Variants in RXRA observed in about 807,000 individuals in gnomAD.
RXRA encodes the protein retinoic acid receptor RXR-alpha.
Under a neutral mutation model 44.5 loss-of-function variants are expected in RXRA, and 5 were observed. The observed-to-expected ratio is 0.11, with a 90% confidence interval of 0.06 to 0.24. The LOEUF (loss-of-function observed/expected upper bound fraction) is 0.24. Ranked by LOEUF, RXRA falls within the 10% of genes least tolerant of loss-of-function variation. The pLI, the probability that RXRA is intolerant of heterozygous loss-of-function variation, is 1.00. For missense variants in RXRA, 412 were observed against 646.5 expected, an observed-to-expected ratio of 0.64 and a Z score of 3.93; for synonymous variants, 291 against 271.4, an observed-to-expected ratio of 1.07 and a Z score of -0.71.
chr9:134,333,199 C>G (rs901472032), intron 1 of RXRA, among the ~76,000 whole-genome samples: 17 of 152,178 alleles, frequency 1.1e-4, no homozygotes, highest in African/African-American at 4.1e-4. Context: ...CTCAGGGTCT[C>G]TGTGTGAGAA....
At chr9:134,385,319 CGTTGT>C (rs1564279995) in intron 1 of RXRA, among the ~76,000 whole-genome samples, 1 of 152,184 alleles carries the variant, frequency 6.6e-6, no homozygotes, top group East Asian at 1.9e-4. Context: ...AGAAAGCCCT[CGTTGT>C]GTGGCTGGAG....
At chr9:134,354,820 C>T (rs781806834) in intron 1 of RXRA, among the ~76,000 whole-genome samples, 6 of 152,390 alleles carry the variant, frequency 3.9e-5, no homozygotes, top group Middle Eastern at 3.4e-3. Flanking sequence ...CAATTGTCCT[C>T]GTCCTGGATT....
chr9:134,348,764 GCACAA>G (rs1830185523), intron 1 of RXRA, among the ~76,000 whole-genome samples: 1 of 152,258 alleles, frequency 6.6e-6, no homozygotes, highest in Non-Finnish European at 1.5e-5. Flanking sequence ...GCTGCCTCAG[GCACAA>G]TGCAGGATTC....
At chr9:134,424,690 G>C (rs1447658176) in intron 6 of RXRA, 1 of 985,358 alleles carries the variant, frequency 1.0e-6, no homozygotes, top group Non-Finnish European at 1.2e-6. Context: ...TGGAACACTG[G>C]AGTTTGAAGC....
At chr9:134,422,725 G>C in intron 6 of RXRA, 1 of 985,410 alleles carries the variant, frequency 1.0e-6, no homozygotes, top group Non-Finnish European at 1.2e-6. Context: ...TGGGACTGTT[G>C]GGGGAAGGGC....
intron 1 of RXRA, among the ~76,000 whole-genome samples, chr9:134,338,664 C>G (rs1331466228): frequency 6.6e-6 from 1 of 152,214 alleles, no homozygotes; most frequent in Non-Finnish European, 1.5e-5. Context: ...TCCCACGCAG[C>G]CTGGACGTGG....
intron 5 of RXRA, among the ~76,000 whole-genome samples, chr9:134,420,187 G>T (rs974785722): frequency 1.2e-4 from 19 of 152,224 alleles, no homozygotes; most frequent in Admixed American, 5.9e-4. Flanking sequence ...CCCCTGCCAG[G>T]CCTGCTTCAT....
chr9:134,394,995 C>G (rs1830857035), intron 1 of RXRA, among the ~76,000 whole-genome samples: 1 of 152,226 alleles, frequency 6.6e-6, no homozygotes, highest in African/African-American at 2.4e-5. Context: ...CCTTGAGGGT[C>G]TCTTGGTCAC....
intron 4 of RXRA, among the ~76,000 whole-genome samples, chr9:134,409,331 G>T (rs1831110303): frequency 1.3e-5 from 2 of 152,226 alleles, no homozygotes; most frequent in Non-Finnish European, 2.9e-5. Flanking sequence ...GGCATGTTCT[G>T]GCTGGCGTTG....
In RXRA at chr9:134,426,686, A is replaced by G. The variant is rs1484734156; in HGVS notation, c.911-2422A>G. ...ACCCTGGTGCCTGCTGGGTGGCCTC[A>G]GGGGCTCTCGGGGCAGTGGGAGGGG... On this transcript the variant is annotated intron_variant, in intron 6 of 9. Coordinates refer to ENST00000481739, the MANE Select transcript of RXRA (RefSeq NM_002957.6). This position sits in a 1 kb window ranked among gnomAD's most constrained non-coding sequence, Gnocchi z 4.6. 2 of 985,182 alleles carry G rather than the reference A, an allele frequency of 2.0e-6. No homozygotes were observed. Among genetic ancestry groups the G allele is most frequent in the Non-Finnish European group, 2.4e-6 (2 of 829,918 alleles). 61.0% of individuals were successfully genotyped at this position (985,182 alleles called of 1,614,324 possible).
At chr9:134,347,416 A>G (rs2313155) in intron 1 of RXRA, among the ~76,000 whole-genome samples, 149,983 of 152,318 alleles carry the variant, frequency 0.98, 73,848 homozygotes, top group East Asian at 1. Flanking sequence ...CAGCTCCTCC[A>G]TCTGCCTGGG....
intron 4 of RXRA, among the ~76,000 whole-genome samples, chr9:134,413,000 C>A (rs999220510): frequency 6.6e-6 from 1 of 152,202 alleles, no homozygotes; most frequent in Non-Finnish European, 1.5e-5. Flanking sequence ...TATGTGTGCA[C>A]GTGTGTGCAT....
intron 6 of RXRA, chr9:134,422,552 G>A: frequency 8.5e-7 from 1 of 1,169,894 alleles, no homozygotes; most frequent in Non-Finnish European, 1.1e-6. Flanking sequence ...CCCCCTCCTG[G>A]GACAGTCCCC....
intron 1 of RXRA, among the ~76,000 whole-genome samples, chr9:134,348,065 C>T (rs11185657): frequency 0.35 from 52,595 of 151,976 alleles, 9,633 homozygotes; most frequent in African/African-American, 0.46. Context: ...GCCAACAGGC[C>T]GGGAGAGAGG....
chr9:134,371,427 C>T (rs1830489944), intron 1 of RXRA, among the ~76,000 whole-genome samples: 1 of 152,214 alleles, frequency 6.6e-6, no homozygotes, highest in African/African-American at 2.4e-5. Context: ...GGGTATGGGG[C>T]TTGGCGGGGC....
chr9:134,414,377 T>TG (rs1211087446), intron 4 of RXRA, among the ~76,000 whole-genome samples: 1 of 152,164 alleles, frequency 6.6e-6, no homozygotes, highest in African/African-American at 2.4e-5. Context: ...GGCTGGCGCG[T>TG]GGGGTGGGAG....
chr9:134,393,636 C>T (rs1368754380), intron 1 of RXRA, among the ~76,000 whole-genome samples: 1 of 152,186 alleles, frequency 6.6e-6, no homozygotes, highest in East Asian at 1.9e-4. Flanking sequence ...CCATGGTGGG[C>T]TTCTCAGGGG....
intron 2 of RXRA, chr9:134,402,929 T>C (rs1220412843): frequency 6.6e-6 from 1 of 152,132 alleles, no homozygotes; most frequent in Non-Finnish European, 1.5e-5. Flanking sequence ...GGACTCGCCC[T>C]AGGAGCTCCT....
At chr9:134,390,160 G>A (rs1830778942) in intron 1 of RXRA, among the ~76,000 whole-genome samples, 1 of 152,192 alleles carries the variant, frequency 6.6e-6, no homozygotes, top group Non-Finnish European at 1.5e-5. Flanking sequence ...TCTCCTTGGT[G>A]CAGGGTGGAG....
Sources: allele counts gnomAD v4.1 joint callset (sites outside exome capture counted in the v4.1 genomes callset), GRCh38; gene constraint gnomAD v4.1.1; non-coding constraint Gnocchi (gnomAD v3.1); transcripts MANE v1.5; gene names NCBI Gene and HGNC (gene_info 2026-07-23, HGNC 2026-07-21).